The following RPS6KC1 variants were observed in gnomAD, a reference collection of about 807,000 sequenced individuals.
The protein encoded by RPS6KC1 is ribosomal protein S6 kinase C1.
A neutral mutation model predicts 103.8 loss-of-function variants in RPS6KC1; 54 were observed. The observed-to-expected ratio is 0.52, with a 90% CI of 0.42 to 0.65. The LOEUF is 0.65. Ranked by LOEUF, RPS6KC1 falls within the 30% of genes least tolerant of loss-of-function variation. The pLI is 0.00. For missense variants in RPS6KC1, 1,151 were observed against 1,253.8 expected (o/e 0.92, Z 1.24); for synonymous variants, 439 against 438.7 (o/e 1.00, Z -0.01).
At chr1:213,493,852 G>C in the RPS6KC1 span, among the ~76,000 whole-genome samples, 1 of 152,156 alleles carries the variant, frequency 6.6e-6, no homozygotes, top group Non-Finnish European at 1.5e-5. Flanking sequence ...GTGTGTGCTG[G>C]AAATCATGGC....
chr1:213,123,222 T>C (rs2084602451), intron 5 of RPS6KC1, among the ~76,000 whole-genome samples: 1 of 152,112 alleles, frequency 6.6e-6, no homozygotes, highest in African/African-American at 2.4e-5. Context: ...TATAGAAAAC[T>C]CAGCATGAGC....
At position 213,242,702 on chromosome 1, in the gene RPS6KC1, G is replaced by A. The variant is rs758596151; in HGVS notation, c.2911+44G>A. 6.6e-6 allele frequency: 9 copies of A among 1,359,886 alleles called. No individual in the cohort carries two copies. In the Admixed American group the frequency reaches 7.2e-5, roughly 11 times the overall value. 84.2% of individuals were successfully genotyped at this position (1,359,886 alleles called of 1,614,324 possible). A position where few individuals can be genotyped will look rare whatever the true frequency, so the allele number is the denominator to read the frequency against. On this transcript the variant is annotated intron_variant, in intron 12 of 14. Transcript: ENST00000366960. The stretch of plus-strand genomic sequence containing the variant: ...AATGTTTCACTTGAAAAAGTGGTTC[G>A]GCAGCTCTCATTTCTTTATAGAAGT...
chr1:213,174,334 G>T (rs554871537), intron 7 of RPS6KC1, among the ~76,000 whole-genome samples: 1 of 152,164 alleles, frequency 6.6e-6, no homozygotes, highest in African/African-American at 2.4e-5. Context: ...CTGGTATGGG[G>T]TGAAGAATAG....
chr1:213,307,492 C>T, the RPS6KC1 span, among the ~76,000 whole-genome samples: 3 of 152,184 alleles, frequency 2.0e-5, no homozygotes, highest in Non-Finnish European at 2.9e-5. Flanking sequence ...TACCTCATTC[C>T]TCTGGCTTCT....
At chr1:213,163,484 A>G (rs889200423) in intron 6 of RPS6KC1, among the ~76,000 whole-genome samples, 2 of 152,254 alleles carry the variant, frequency 1.3e-5, no homozygotes, top group African/African-American at 4.8e-5. Flanking sequence ...AAACACAGAT[A>G]TAGACATACT....
chr1:213,470,879 C>G, the RPS6KC1 span, among the ~76,000 whole-genome samples: 2 of 152,110 alleles, frequency 1.3e-5, no homozygotes, highest in African/African-American at 2.4e-5. Flanking sequence ...CCTCCTTCAG[C>G]CTCCCAAAGT....
the RPS6KC1 span, among the ~76,000 whole-genome samples, chr1:213,680,091 C>CAT: frequency 0.016 from 2,396 of 151,988 alleles, 49 homozygotes; most frequent in East Asian, 0.07. Context: ...AAAAATTTCA[C>CAT]GTTAAAGAAG....
the RPS6KC1 span, chr1:213,822,260 C>T: frequency 6.6e-6 from 1 of 152,212 alleles, no homozygotes; most frequent in Non-Finnish European, 1.5e-5. Flanking sequence ...CATCCCAGGA[C>T]ATTCTTTTGC....
the RPS6KC1 span, among the ~76,000 whole-genome samples, chr1:213,602,121 T>TTC: frequency 3.0e-4 from 1 of 3,344 alleles, no homozygotes; most frequent in African/African-American, 9.6e-4. Context: ...TCTTTCTTTC[T>TTC]CTTTCTTTCT....
chr1:213,410,772 G>T, the RPS6KC1 span, among the ~76,000 whole-genome samples: 983 of 152,260 alleles, frequency 6.5e-3, 9 homozygotes, highest in African/African-American at 0.023. Context: ...AGCCGGAAGG[G>T]AGCTGATCAA....
the RPS6KC1 span, among the ~76,000 whole-genome samples, chr1:213,847,179 T>A: frequency 6.6e-6 from 1 of 152,222 alleles, no homozygotes; most frequent in Admixed American, 6.5e-5. Context: ...AAAATTTATT[T>A]GGCATAGATC....
chr1:213,431,647 T>TTGTGTGTA, the RPS6KC1 span, among the ~76,000 whole-genome samples: 1 of 127,710 alleles, frequency 7.8e-6, no homozygotes, highest in African/African-American at 2.9e-5. Context: ...ATTCCATTGT[T>TTGTGTGTA]TGTGTGTATG....
the RPS6KC1 span, among the ~76,000 whole-genome samples, chr1:213,547,211 A>T: frequency 1.3e-4 from 20 of 152,224 alleles, no homozygotes; most frequent in Non-Finnish European, 2.4e-4. Flanking sequence ...GACCTCAGCC[A>T]TACTCTTTTA....
intron 8 of RPS6KC1, among the ~76,000 whole-genome samples, chr1:213,209,322 C>T (rs2093437273): frequency 6.6e-6 from 1 of 152,114 alleles, no homozygotes; most frequent in Non-Finnish European, 1.5e-5. Flanking sequence ...TGATCCAAAC[C>T]CCAAGAGAGG....
At chr1:213,374,105 G>T in the RPS6KC1 span, among the ~76,000 whole-genome samples, 4 of 152,166 alleles carry the variant, frequency 2.6e-5, no homozygotes, top group African/African-American at 7.2e-5. Context: ...CATGGGCCTT[G>T]GTGTCATGTG....
chr1:213,667,758 C>G, the RPS6KC1 span, among the ~76,000 whole-genome samples: 1 of 152,196 alleles, frequency 6.6e-6, no homozygotes, highest in Admixed American at 6.5e-5. Flanking sequence ...CCTCTCAAAC[C>G]CTGTTGCTGC....
chr1:213,731,454 A>C, the RPS6KC1 span: 3 of 152,144 alleles, frequency 2.0e-5, no homozygotes, highest in South Asian at 6.2e-4. Flanking sequence ...ATTGGGAATA[A>C]GCTTCTCATT....
intron 6 of RPS6KC1, among the ~76,000 whole-genome samples, chr1:213,159,890 A>G (rs988434405): frequency 6.6e-6 from 1 of 152,224 alleles, no homozygotes; most frequent in African/African-American, 2.4e-5. Context: ...ATCAGAAGAA[A>G]TGTGGATATC....
chr1:213,451,445 G>C, the RPS6KC1 span, among the ~76,000 whole-genome samples: 127 of 152,294 alleles, frequency 8.3e-4, no homozygotes, highest in South Asian at 5.0e-3. Context: ...GTTCATCCGT[G>C]CAGTTGACAG....
Sources: allele counts gnomAD v4.1 joint callset (sites outside exome capture counted in the v4.1 genomes callset), GRCh38; gene constraint gnomAD v4.1.1; transcripts MANE v1.5; gene names NCBI Gene and HGNC (gene_info 2026-07-23, HGNC 2026-07-21).